The following LRRIQ1 variants were observed in gnomAD, a reference collection of about 807,000 sequenced individuals.
The protein encoded by LRRIQ1 is leucine rich repeats and IQ motif containing 1, also known as leucine-rich repeat- and IQ domain-containing protein 1.
Under a neutral mutation model 211.9 loss-of-function variants are expected in LRRIQ1, and 210 were observed. The ratio of observed to expected loss-of-function variants is 0.99; its 90% CI spans 0.89 to 1.11. The LOEUF is 1.11. Ranked by LOEUF, LRRIQ1 falls within the 50% of genes most tolerant of loss-of-function variation. The pLI is 0.00. For synonymous variants in LRRIQ1, 699 were observed against 650.1 expected, an observed-to-expected ratio of 1.08 and a Z score of -1.14; for missense variants, 2,136 against 1,939.5, an observed-to-expected ratio of 1.10 and a Z score of -1.90.
chr12:85,139,034 T>C (rs1889339521), intron 19 of LRRIQ1, among the ~76,000 whole-genome samples: 2 of 151,452 alleles, frequency 1.3e-5, no homozygotes, highest in Admixed American at 6.6e-5. Flanking sequence ...CAGTGACTCA[T>C]CACAGCAATG....
chr12:85,187,046 G>C (rs1374641654), intron 24 of LRRIQ1, among the ~76,000 whole-genome samples: 1 of 152,016 alleles, frequency 6.6e-6, no homozygotes, highest in African/African-American at 2.4e-5. Context: ...GTACTGTAAA[G>C]GGCATATCAC....
intron 11 of LRRIQ1, among the ~76,000 whole-genome samples, chr12:85,096,109 G>T (rs1885856312): frequency 6.6e-6 from 1 of 151,994 alleles, no homozygotes; most frequent in African/African-American, 2.4e-5. Flanking sequence ...TTCAAAGAAA[G>T]AGCTTTCAAT....
chr12:85,074,127 T>C (rs1168895887), intron 11 of LRRIQ1, among the ~76,000 whole-genome samples: 2 of 152,052 alleles, frequency 1.3e-5, no homozygotes, highest in African/African-American at 4.8e-5. Context: ...TTAATGTACA[T>C]ATTTATTTGG....
chr12:85,178,370 T>C (rs1352607503), intron 24 of LRRIQ1, among the ~76,000 whole-genome samples: 1 of 152,104 alleles, frequency 6.6e-6, no homozygotes, highest in Non-Finnish European at 1.5e-5. Flanking sequence ...TTCATCTGTC[T>C]TTAATCCTTG....
chr12:85,203,928 C>T (rs1032985837), intron 24 of LRRIQ1, among the ~76,000 whole-genome samples: 1 of 152,112 alleles, frequency 6.6e-6, no homozygotes, highest in Non-Finnish European at 1.5e-5. Context: ...ATGTTAACCC[C>T]CAAGACAATG....
intron 8 of LRRIQ1, among the ~76,000 whole-genome samples, chr12:85,061,296 A>G (rs1453161038): frequency 6.6e-6 from 1 of 151,768 alleles, no homozygotes; most frequent in Non-Finnish European, 1.5e-5. Context: ...CCTGTCATAC[A>G]TGTATCCATA....
rs528652607 is a variant in LRRIQ1, at chr12:85,101,982, G to A, written c.3210-2022G>A. ...AAAGAAAAAAAGTTGTATTCTGAAT[G>A]GTTTAATATGCCATTACTATTAATA... On this transcript the variant is annotated intron_variant, in intron 13 of 26. Transcript: ENST00000393217. Among the ~76,000 whole-genome samples, 37 of 151,596 alleles carry A rather than the reference G, an allele frequency of 2.4e-4. 1 individual carries two copies. Among genetic ancestry groups the A allele is most frequent in the African/African-American group, 8.9e-4 (37 of 41,452 alleles).
chr12:85,151,275 AT>A (rs901924282), intron 19 of LRRIQ1, among the ~76,000 whole-genome samples: 2 of 151,618 alleles, frequency 1.3e-5, no homozygotes, highest in Non-Finnish European at 3.0e-5. Context: ...ACTAAATTTC[AT>A]TAAGTGAAAT....
intron 24 of LRRIQ1, among the ~76,000 whole-genome samples, chr12:85,191,493 G>C (rs1162093403): frequency 6.6e-6 from 1 of 151,928 alleles, no homozygotes; most frequent in Non-Finnish European, 1.5e-5. Context: ...GTCATAACTT[G>C]ATAGCTCATT....
chr12:85,153,075 C>G lies in LRRIQ1; in HGVS notation c.4471C>G (p.Pro1491Ala). The change falls in exon 21 of 27, where the codon CCA (proline) becomes GCA (alanine). Residue 1491 changes from proline (P) to alanine (A), a missense_variant. By Grantham distance (27) the Pro-to-Ala change is conservative (BLOSUM62 -1). Transcript: ENST00000393217. ...DDTSFNLPSN[P>A]AQAWLCNDKE... Reference sequence around the variant, plus strand: ...TACTTCATTTAATTTACCAAGTAATCCAGCTCAAGCATGGTTATGTAATGA... The same window carrying G: ...TACTTCATTTAATTTACCAAGTAATGCAGCTCAAGCATGGTTATGTAATGA... The G allele has an allele frequency of 1.3e-6, 2 of 1,583,932 alleles. No homozygotes were observed. Among genetic ancestry groups the G allele is most frequent in the Non-Finnish European group, 1.7e-6 (2 of 1,160,214 alleles).
chr12:85,231,577 G>A (rs1894943949), intron 25 of LRRIQ1, among the ~76,000 whole-genome samples: 1 of 152,140 alleles, frequency 6.6e-6, no homozygotes, highest in Non-Finnish European at 1.5e-5. Flanking sequence ...AGTTGTTCAA[G>A]GAACATGGCA....
chr12:85,175,164 A>G (rs996559720), intron 24 of LRRIQ1, among the ~76,000 whole-genome samples: 4 of 152,158 alleles, frequency 2.6e-5, no homozygotes, highest in African/African-American at 9.7e-5. Context: ...TCTTGCTCAG[A>G]AAGCTACTGA....
intron 24 of LRRIQ1, among the ~76,000 whole-genome samples, chr12:85,205,263 G>A (rs1275385077): frequency 6.6e-6 from 1 of 152,106 alleles, no homozygotes; most frequent in South Asian, 2.1e-4. Flanking sequence ...TCCCATTCGT[G>A]GGTATGTCTT....
intron 24 of LRRIQ1, among the ~76,000 whole-genome samples, chr12:85,174,251 C>G (rs1891569428): frequency 6.6e-6 from 1 of 151,818 alleles, no homozygotes; most frequent in Non-Finnish European, 1.5e-5. Flanking sequence ...CCAAAAATAT[C>G]TCTTTGATAG....
At chr12:85,120,970 G>A (rs1887936253) in intron 15 of LRRIQ1, among the ~76,000 whole-genome samples, 2 of 151,592 alleles carry the variant, frequency 1.3e-5, no homozygotes, top group Non-Finnish European at 2.9e-5. Context: ...TTTTTTGTTT[G>A]TTTGTTTTTG....
intron 24 of LRRIQ1, among the ~76,000 whole-genome samples, chr12:85,169,400 T>C (rs932839138): frequency 1.3e-5 from 2 of 152,148 alleles, no homozygotes; most frequent in African/African-American, 4.8e-5. Context: ...TAATGTGATA[T>C]GATAGCTCTT....
At chr12:85,153,614 T>C in intron 21 of LRRIQ1, 49 bp from the exon 22 acceptor site, 1 of 1,152,746 alleles carries the variant, frequency 8.7e-7, no homozygotes, top group Non-Finnish European at 1.2e-6. Flanking sequence ...TAAAAAGTGC[T>C]GATATACTTG....
intron 26 of LRRIQ1, among the ~76,000 whole-genome samples, chr12:85,240,792 A>G (rs949540170): frequency 4.6e-5 from 7 of 152,118 alleles, no homozygotes; most frequent in Admixed American, 1.3e-4. Context: ...TCATTAATAT[A>G]AGATCCTTAA....
intron 11 of LRRIQ1, among the ~76,000 whole-genome samples, chr12:85,081,047 C>A (rs1038139600): frequency 6.6e-6 from 1 of 152,118 alleles, no homozygotes; most frequent in African/African-American, 2.4e-5. Flanking sequence ...TAGCTTCAGG[C>A]CCTCAGAACC....
Sources: gnomAD v4.1 joint callset for allele counts (sites outside exome capture counted in the v4.1 genomes callset) on GRCh38, gnomAD v4.1.1 for gene constraint, MANE v1.5 for transcripts, NCBI Gene and HGNC (gene_info 2026-07-23, HGNC 2026-07-21) for gene names.